The following PCDH11X variants were observed in gnomAD, a reference collection of about 807,000 sequenced individuals.
The protein encoded by PCDH11X is protocadherin 11 X-linked, also known as protocadherin-11 X-linked.
Under a neutral mutation model 53.3 loss-of-function variants are expected in PCDH11X, and 18 were observed. The observed-to-expected ratio is 0.34, with a 90% CI of 0.23 to 0.50. PCDH11X has a LOEUF of 0.50. Among genes scored for constraint, PCDH11X ranks in the 20% least tolerant of loss-of-function variants. PCDH11X has a pLI of 0.98. For synonymous variants in PCDH11X, 279 were observed against 393.3 expected (o/e 0.71, Z 3.44); for missense variants, 570 against 1,032.4 (o/e 0.55, Z 6.14).
chrX:91,910,762 C>A (rs750419698), intron 6 of PCDH11X, among the ~76,000 whole-genome samples: 1 of 111,604 alleles, frequency 9.0e-6, no homozygotes, highest in African/African-American at 3.2e-5. Flanking sequence ...ATCAAATTCC[C>A]ATCGTTTTCT....
intron 6 of PCDH11X, among the ~76,000 whole-genome samples, chrX:91,941,906 G>A (rs1386028653): frequency 9.1e-6 from 1 of 110,454 alleles, no homozygotes; most frequent in Non-Finnish European, 1.9e-5. Flanking sequence ...AATATACCTG[G>A]AAACATCTCC....
At chrX:92,283,825 T>G (rs1178649841) in intron 8 of PCDH11X, among the ~76,000 whole-genome samples, 3 of 111,919 alleles carry the variant, frequency 2.7e-5, no homozygotes, top group African/African-American at 9.7e-5. Context: ...TTAAATTTTT[T>G]CTTACATGAA....
At chrX:92,516,457 T>G (rs978709822) in intron 10 of PCDH11X, among the ~76,000 whole-genome samples, 3 of 111,656 alleles carry the variant, frequency 2.7e-5, no homozygotes, top group Admixed American at 1.9e-4. Flanking sequence ...TGAGAATAGG[T>G]TTTATCTTCT....
intron 8 of PCDH11X, among the ~76,000 whole-genome samples, chrX:92,304,243 C>A (rs775957319): frequency 2.9e-4 from 32 of 108,691 alleles, no homozygotes; most frequent in Non-Finnish European, 5.5e-4. Context: ...AAGGCTTTTA[C>A]TCTATTCATT....
At chrX:92,029,996 C>T (rs2063023351) in intron 6 of PCDH11X, among the ~76,000 whole-genome samples, 2 of 112,212 alleles carry the variant, frequency 1.8e-5, no homozygotes, top group East Asian at 2.8e-4. Context: ...TGGAGTCTTG[C>T]TCTGTGGCCA....
At chrX:91,869,383 A>AG (rs957693733) in intron 5 of PCDH11X, among the ~76,000 whole-genome samples, 12 of 111,268 alleles carry the variant, frequency 1.1e-4, no homozygotes, top group Non-Finnish European at 1.9e-4. Flanking sequence ...TGAACTAAAA[A>AG]CTAAGAGACT....
intron 6 of PCDH11X, among the ~76,000 whole-genome samples, chrX:92,064,400 T>G (rs751273425): frequency 9.1e-6 from 1 of 110,047 alleles, no homozygotes; most frequent in Admixed American, 9.8e-5. Flanking sequence ...GATTGTACAG[T>G]TCAACATGTT....
At chrX:92,520,915 AT>A (rs963830232) in intron 10 of PCDH11X, among the ~76,000 whole-genome samples, 10 of 111,715 alleles carry the variant, frequency 9.0e-5, no homozygotes, top group Non-Finnish European at 7.5e-5. Context: ...ATCTGTTAAA[AT>A]TTTATCATGA....
intron 1 of PCDH11X, chrX:91,798,315 G>A (rs1324415152): frequency 3.6e-5 from 4 of 111,393 alleles, no homozygotes; most frequent in Non-Finnish European, 7.5e-5. Context: ...CAGGCCAGGC[G>A]TGTTGGCTCA....
At chrX:91,931,207 A>G (rs1037340534) in intron 6 of PCDH11X, among the ~76,000 whole-genome samples, 2 of 109,363 alleles carry the variant, frequency 1.8e-5, no homozygotes, top group African/African-American at 6.7e-5. Context: ...ATAACTGCCA[A>G]CACTAGTTGA....
rs1312615187 is a variant in PCDH11X, at chrX:91,806,742, A to T, written c.-378-2724A>T. 2.7e-5 allele frequency among the ~76,000 whole-genome samples: 3 copies of T among 112,230 alleles called. No individual in the cohort carries two copies. The East Asian group carries it at 8.4e-4, about 32-fold the overall frequency. ...GGAAAAACAACAAAAAAATCTTCAG[A>T]AACTTTCTTACCATTGACAGGGGCT... On this transcript the variant is annotated intron_variant, in intron 1 of 10. Transcript: ENST00000682573.
At chrX:92,434,854 G>A (rs1195979967) in intron 9 of PCDH11X, among the ~76,000 whole-genome samples, 3 of 109,073 alleles carry the variant, frequency 2.8e-5, no homozygotes, top group Non-Finnish European at 5.7e-5. Flanking sequence ...CAGAAAAGAA[G>A]TCTATCGACT....
chrX:92,568,019 A>G (rs1288487921), intron 10 of PCDH11X, among the ~76,000 whole-genome samples: 2 of 108,779 alleles, frequency 1.8e-5, no homozygotes, highest in African/African-American at 3.4e-5. Context: ...AGTTGAAGAA[A>G]AAAAAGATCA....
At chrX:92,154,560 C>A (rs2065494072) in intron 6 of PCDH11X, among the ~76,000 whole-genome samples, 1 of 107,222 alleles carries the variant, frequency 9.3e-6, no homozygotes, top group African/African-American at 3.6e-5. Flanking sequence ...TTTCCAAGAC[C>A]ACCCTGGCCC....
At chrX:92,490,722 A>AAGAAAGAGAGAAAGAG (rs1248836954) in intron 10 of PCDH11X, among the ~76,000 whole-genome samples, 26 of 95,004 alleles carry the variant, frequency 2.7e-4, no homozygotes, top group African/African-American at 1.0e-3. Flanking sequence ...GAAAGAAAGA[A>AAGAAAGAGAGAAAGAG]AGAAAGAGAG....
intron 10 of PCDH11X, among the ~76,000 whole-genome samples, chrX:92,510,302 C>A (rs2148706023): frequency 1.1e-5 from 1 of 91,879 alleles, no homozygotes; most frequent in Non-Finnish European, 2.2e-5. Context: ...AGGCTGTTTT[C>A]CCCTCTTCTT....
chrX:92,153,343 C>T (rs1223684526), intron 6 of PCDH11X, among the ~76,000 whole-genome samples: 1 of 110,445 alleles, frequency 9.1e-6, no homozygotes, highest in Non-Finnish European at 1.9e-5. Flanking sequence ...AATATACACA[C>T]ACACACACAC....
chrX:92,078,231 A>C (rs1259977346), intron 6 of PCDH11X, among the ~76,000 whole-genome samples: 1 of 110,478 alleles, frequency 9.1e-6, no homozygotes, highest in African/African-American at 3.3e-5. Flanking sequence ...CAGTTTAAAC[A>C]TTCCAAAGGA....
intron 8 of PCDH11X, among the ~76,000 whole-genome samples, chrX:92,348,514 TA>T (rs201391475): frequency 0.22 from 8,151 of 37,391 alleles, 885 homozygotes; most frequent in East Asian, 0.71. Flanking sequence ...AAATTATCAT[TA>T]TTATTATTAT....
Sources: gnomAD v4.1 joint callset for allele counts (sites outside exome capture counted in the v4.1 genomes callset) on GRCh38, gnomAD v4.1.1 for gene constraint, MANE v1.5 for transcripts, NCBI Gene and HGNC (gene_info 2026-07-23, HGNC 2026-07-21) for gene names.